Variants in EPPK1 observed in about 807,000 individuals in gnomAD.
EPPK1 encodes epiplakin 1, also known as epiplakin.
For missense variants in EPPK1, 3,823 were observed against 3,673.3 expected, an observed-to-expected ratio of 1.04 and a Z score of -1.05; for synonymous variants, 1,862 against 1,721.2, an observed-to-expected ratio of 1.08 and a Z score of -2.03.
Position 143,870,232 on chromosome 8 carries a change from T to C in EPPK1, c.3022A>G (p.Ile1008Val). ...YGRLKRAEGA[I>V]AGFRDPFSGK... Reference sequence around the variant, plus strand: ...GAGAAGGGGTCTCTGAAGCCAGCAATGGCACCCTCAGCCCGCTTCAGCCTG... The same window carrying C: ...GAGAAGGGGTCTCTGAAGCCAGCAACGGCACCCTCAGCCCGCTTCAGCCTG... Residue 1008 changes from isoleucine to valine, a missense_variant, in exon 2 of 2, where the codon ATT becomes GTT. Transcript: ENST00000615648. The surrounding 1 kb of genome is among the most constrained non-coding windows in gnomAD (Gnocchi z 5.2). 1 of 1,606,374 alleles carries C rather than the reference T, an allele frequency of 6.2e-7. No individual in the cohort carries two copies. Among genetic ancestry groups the C allele is most frequent in the South Asian group, 1.1e-5 (1 of 90,062 alleles).
chr8:143,869,328 A>C lies in EPPK1; in HGVS notation c.3926T>G (p.Val1309Gly), dbSNP rs1238840115. The change falls in exon 2 of 2, where the codon GTG (valine) becomes GGG (glycine). Residue 1309 changes from valine (V) to glycine (G), a missense_variant. Coordinates refer to ENST00000615648, the MANE Select transcript of EPPK1 (RefSeq NM_031308.4). ...SVEDAVKVGL[V>G]GRELSEQLGQ... ...GAGCTGCTCACTCAGCTCCCTGCCC[A>C]CCAGGCCGACCTTAACCGCGTCCTC... 1.9e-6 allele frequency: 3 copies of C among 1,606,964 alleles called. No individual in the cohort carries two copies. Among genetic ancestry groups the C allele is most frequent in the African/African-American group, 1.3e-5 (1 of 74,804 alleles).
At position 143,868,174 on chromosome 8, in the gene EPPK1, C is replaced by T. The variant is rs56005803; in HGVS notation, c.5080G>A (p.Val1694Met). The change falls in exon 2 of 2, where the codon GTG becomes ATG. Residue 1694 changes from valine to methionine, a missense_variant. By Grantham distance (21) the Val-to-Met change is conservative. Transcript: ENST00000615648. Reference sequence around the variant, plus strand: ...TCCACGGGCACGCGGTGGCTGTGCACGGGGTCGATGATGCCGCCCGTGGCG... The same window carrying T: ...TCCACGGGCACGCGGTGGCTGTGCATGGGGTCGATGATGCCGCCCGTGGCG... ...QIATGGIIDPVHSHRVPVDVA... is the reference protein window; with the variant it reads ...QIATGGIIDPMHSHRVPVDVA... 9.7e-5 allele frequency: 157 copies of T among 1,613,050 alleles called. 1 individual carries two copies. The highest frequency in any genetic ancestry group is 1.7e-4 in the Middle Eastern group (1 of 6,060).
Position 143,872,927 on chromosome 8 carries a change from C to G in EPPK1, c.327G>C (p.Lys109Asn). The change falls in exon 2 of 2, where the codon AAG (lysine) becomes AAC (asparagine). Residue 109 changes from lysine to asparagine, a missense_variant. Transcript: ENST00000615648. ...LQQGLVGLEL[K>N]EKLLAAERAT... ...CACGCTCAGCGGCCAGCAGCTTCTCCTTCAGCTCCAGCCCCACCAGACCCT... is the reference window on the plus strand; with the variant it reads ...CACGCTCAGCGGCCAGCAGCTTCTCGTTCAGCTCCAGCCCCACCAGACCCT... The G allele has an allele frequency of 6.2e-7, 1 of 1,609,026 alleles. No homozygotes were observed. The highest frequency in any genetic ancestry group is 8.5e-7 in the Non-Finnish European group (1 of 1,177,752).
At position 143,872,559 on chromosome 8, in the gene EPPK1, T is replaced by C. The variant is rs781908503; in HGVS notation, c.695A>G (p.Lys232Arg). Residue 232 changes from lysine (K) to arginine (R), a missense_variant, in exon 2 of 2, where the codon AAG becomes AGG. Transcript: ENST00000615648. ...CCCGCCCATGGAGCGGAAGGTGATC[T>C]TGAGGGGCAGCAAGGCTAGCCCCGA... ...PGSGLALLPL[K>R]ITFRSMGGAV... The C allele has an allele frequency of 1.9e-6, 3 of 1,606,704 alleles. No homozygotes were observed. Among genetic ancestry groups the C allele is most frequent in the East Asian group, 4.5e-5 (2 of 44,760 alleles).
chr8:143,871,109 G>C lies in EPPK1; in HGVS notation c.2145C>G (p.His715Gln). Reference protein sequence around the residue: ...AMQKGLIVREHGIRLLEAQIA... With the variant: ...AMQKGLIVREQGIRLLEAQIA... ...TCTGGGCCTCCAGCAGGCGGATGCC[G>C]TGCTCCCGGACGATGAGGCCCTTCT... The change falls in exon 2 of 2, where the codon CAC (histidine) becomes CAG (glutamine). Residue 715 changes from histidine (H) to glutamine (Q), a missense_variant. Transcript: ENST00000615648. 1 of 1,613,164 alleles carries C rather than the reference G, an allele frequency of 6.2e-7. No homozygotes were observed. Among genetic ancestry groups the C allele is most frequent in the Non-Finnish European group, 8.5e-7 (1 of 1,180,026 alleles).
chr8:143,878,623 G>A (rs1455422914), upstream of EPPK1, among the ~76,000 whole-genome samples: 5 of 151,800 alleles, frequency 3.3e-5, no homozygotes, highest in East Asian at 9.7e-4. Flanking sequence ...CCGGGCAAGG[G>A]GCGGCGGCTG....
chr8:143,869,851 C>T lies in EPPK1; in HGVS notation c.3403G>A (p.Val1135Met), dbSNP rs370164663. ...EEQVQRSLQAVPGAKDGTSLW... is the reference protein window; with the variant it reads ...EEQVQRSLQAMPGAKDGTSLW... ...GATGTGCCATCCTTGGCCCCCGGCA[C>T]GGCCTGCAGGCTCCTCTGGACCTGC... Residue 1135 changes from valine to methionine, a missense_variant, in exon 2 of 2, where the codon GTG becomes ATG. Physicochemically the swap from Val to Met is conservative, Grantham distance 21 (BLOSUM62 1). Transcript: ENST00000615648. The T allele has an allele frequency of 1.2e-5, 19 of 1,599,590 alleles. No homozygotes were observed. The highest frequency in any genetic ancestry group is 4.0e-5 in the African/African-American group (3 of 74,714).
chr8:143,866,571 C>T lies in EPPK1; in HGVS notation c.6683G>A (p.Gly2228Asp), dbSNP rs1172768887. Residue 2228 changes from glycine (G) to aspartate (D), a missense_variant, in exon 2 of 2, where the codon GGC becomes GAC. By Grantham distance (94) the Gly-to-Asp change is moderately conservative. Coordinates refer to ENST00000615648, the MANE Select transcript of EPPK1 (RefSeq NM_031308.4). ...CTGGTCCTTGGCGGGCACCAGGACG[C>T]CCGCGATGCAGCTGGTGCCCTCCAG... ...RYLEGTSCIA[G>D]VLVPAKDQPG... 16 of 1,609,994 alleles carry T rather than the reference C, an allele frequency of 9.9e-6. No homozygotes were observed. Among genetic ancestry groups the T allele is most frequent in the African/African-American group, 2.7e-5 (2 of 74,758 alleles).
chr8:143,872,001 G>A lies in EPPK1; in HGVS notation c.1253C>T (p.Ala418Val). ...TTCATCCAGGCAGCCGCAGCGCAGG[G>A]CGGCCTCCAGGGGCAGCCGGAGCCT... ...ARRLRLPLEAALRCGCLDEDT... is the reference protein window; with the variant it reads ...ARRLRLPLEAVLRCGCLDEDT... The change falls in exon 2 of 2, where the codon GCC becomes GTC. Residue 418 changes from alanine (A) to valine (V), a missense_variant. By Grantham distance (64) the Ala-to-Val change is moderately conservative. Transcript: ENST00000615648. 6 of 1,578,562 alleles carry A rather than the reference G, an allele frequency of 3.8e-6. No individual in the cohort carries two copies. The highest frequency in any genetic ancestry group is 5.1e-6 in the Non-Finnish European group (6 of 1,166,022).
At position 143,871,624 on chromosome 8, in the gene EPPK1, T is replaced by C. The variant is rs13255110; in HGVS notation, c.1630A>G (p.Lys544Glu). 0.67 allele frequency: 1,069,468 copies of C among 1,603,762 alleles called. 360,810 individuals are homozygous for C. The highest frequency in any genetic ancestry group is 0.71 in the Middle Eastern group (4,303 of 6,054). ...GTLSVEKLAA[K>E]LSATLEQAAA... ...GCCTGCTCGAGGGTGGCGCTCAGCT[T>C]AGCGGCCAGCTTCTCCACGGAGAGG... The change falls in exon 2 of 2, where the codon AAG becomes GAG. Residue 544 changes from lysine (K) to glutamate (E), a missense_variant. Coordinates refer to ENST00000615648, the MANE Select transcript of EPPK1 (RefSeq NM_031308.4).
rs375680720 is a variant in EPPK1, at chr8:143,870,976, G to C, written c.2278C>G (p.Pro760Ala). 45 of 1,613,476 alleles carry C rather than the reference G, an allele frequency of 2.8e-5. No individual in the cohort carries two copies. Among genetic ancestry groups the C allele is most frequent in the East Asian group, 1.6e-4 (7 of 44,886 alleles). ...DQMLNLILLD[P>A]SDDTKGFFDP... ...AAGAAGCCCTTGGTGTCGTCAGAAG[G>C]GTCCAACAGGATCAAGTTCAGCATC... The change falls in exon 2 of 2, where the codon CCT (proline) becomes GCT (alanine). Residue 760 changes from proline to alanine, a missense_variant. Physicochemically the swap from Pro to Ala is conservative, Grantham distance 27. Transcript: ENST00000615648. The surrounding 1 kb of genome is among the most constrained non-coding windows in gnomAD (Gnocchi z 5.2).
At position 143,868,197 on chromosome 8, in the gene EPPK1, G is replaced by T; in HGVS notation, c.5057C>A (p.Ala1686Asp). ...CACGGGGTCGATGATGCCGCCCGTG[G>T]CGATCTGGGCCTCCAGCAGGCGGAT... ...HGIRLLEAQI[A>D]TGGIIDPVHS... Residue 1686 changes from alanine to aspartate, a missense_variant, in exon 2 of 2, where the codon GCC becomes GAC. Transcript: ENST00000615648. The T allele has an allele frequency of 6.2e-7, 1 of 1,613,104 alleles. No individual in the cohort carries two copies. Among genetic ancestry groups the T allele is most frequent in the Non-Finnish European group, 8.5e-7 (1 of 1,180,006 alleles).
chr8:143,869,721 G>A lies in EPPK1; in HGVS notation c.3533C>T (p.Ser1178Phe). 1 of 1,598,830 alleles carries A rather than the reference G, an allele frequency of 6.3e-7. No individual in the cohort carries two copies. The highest frequency in any genetic ancestry group is 8.5e-7 in the Non-Finnish European group (1 of 1,173,696). ...GRTTVPQLLA[S>F]VQRWVQETKL... ...GGTCTCCTGTACCCACCTCTGCACA[G>A]AGGCTAGCAGCTGTGGCACAGTGGT... The change falls in exon 2 of 2, where the codon TCT becomes TTT. Residue 1178 changes from serine (S) to phenylalanine (F), a missense_variant. By Grantham distance (155) the Ser-to-Phe change is radical. Coordinates refer to ENST00000615648, the MANE Select transcript of EPPK1 (RefSeq NM_031308.4).
intron 1 of EPPK1, among the ~76,000 whole-genome samples, chr8:143,877,075 C>A (rs571606119): frequency 1.3e-5 from 2 of 152,272 alleles, no homozygotes; most frequent in African/African-American, 2.4e-5. Flanking sequence ...AGCAGGGAGT[C>A]GGGGGCAGGC....
rs1554660150 is a variant in EPPK1 at position 143,868,920 on chromosome 8, T to C, written c.4334A>G (p.His1445Arg). The change falls in exon 2 of 2, where the codon CAC (histidine) becomes CGC (arginine). Residue 1445 changes from histidine to arginine, a missense_variant. Coordinates refer to ENST00000615648, the MANE Select transcript of EPPK1 (RefSeq NM_031308.4). The part of the protein sequence containing the change: ...PSDTVLEVDD[H>R]TAVALRAMKV... ...CATGGCCCTCAGAGCCACCGCGGTG[T>C]GGTCGTCCACCTCAAGCACTGTGTC... 2 of 1,611,074 alleles carry C rather than the reference T, an allele frequency of 1.2e-6. No individual in the cohort carries two copies. The highest frequency in any genetic ancestry group is 3.3e-5 in the Admixed American group (2 of 60,010).
rs782289184 is a variant in EPPK1 at position 143,872,488 on chromosome 8, G to A, written c.766C>T (p.Gln256Ter). The A allele has an allele frequency of 3.8e-6, 6 of 1,593,092 alleles. No homozygotes were observed. In the East Asian group the frequency reaches 1.4e-4, roughly 36 times the overall value. Residue 256 changes from glutamine to a stop codon, truncating the protein, a stop_gained, in exon 2 of 2, where the codon CAG (glutamine) becomes TAG (stop). Transcript: ENST00000615648. LOFTEE classifies it low-confidence loss of function (END_TRUNC). ...CCCTCCCGCAGACCCTGCACAGCCT[G>A]CTCGTCCAGGATGCCCACCTCCAGC... ...ELLEVGILDE[Q>*]AVQGLREGRL...
At position 143,863,123 on chromosome 8, in the gene EPPK1, G is replaced by GGTCGCCGTATCA; in HGVS notation, c.10130_10131insTGATACGGCGAC (p.Tyr3377_Thr3378insAspThrAlaThr). ...TCTGCTGCCCGGTGTAGGGGTCGGTGTAGCCGGTGACGGCGCGCTCGGCCG... is the reference window on the plus strand; with the variant it reads ...TCTGCTGCCCGGTGTAGGGGTCGGTGGTCGCCGTATCATAGCCGGTGACGGCGCGCTCGGCCG... On this transcript the variant is annotated inframe_insertion, in exon 2 of 2. Coordinates refer to ENST00000615648, the MANE Select transcript of EPPK1 (RefSeq NM_031308.4). 9.7e-6 allele frequency: 1 copy of GGTCGCCGTATCA among 102,738 alleles called. No individual in the cohort carries two copies. The highest frequency in any genetic ancestry group is 1.8e-5 in the Non-Finnish European group (1 of 55,270). 6.4% of individuals were successfully genotyped at this position (102,738 alleles called of 1,614,324 possible). A position where few individuals can be genotyped will look rare whatever the true frequency, so the allele number is the denominator to read the frequency against.
In EPPK1 at chr8:143,867,263, G is replaced by A. The variant is rs782373505; in HGVS notation, c.5991C>T (p.Leu1997=). ...IPLFQAMQKQ[L]IEKAEALRLL... The stretch of plus-strand genomic sequence containing the variant: ...GCCTCAGTGCCTCCGCCTTCTCGAT[G>A]AGCTGCTTCTGCATGGCCTGGAACA... Residue 1997 remains leucine (L), a synonymous_variant, in exon 2 of 2, where the codon CTC becomes CTT. Coordinates refer to ENST00000615648, the MANE Select transcript of EPPK1 (RefSeq NM_031308.4). 4.3e-6 allele frequency: 7 copies of A among 1,612,506 alleles called. No individual in the cohort carries two copies. The South Asian group carries it at 7.7e-5, about 18-fold the overall frequency.
At chr8:143,874,204 G>A (rs782722157) in intron 1 of EPPK1, among the ~76,000 whole-genome samples, 2 of 152,168 alleles carry the variant, frequency 1.3e-5, no homozygotes, top group Non-Finnish European at 2.9e-5. Flanking sequence ...TGTACGACTG[G>A]CCCTGAGCAG....
Sources: allele counts gnomAD v4.1 joint callset (sites outside exome capture counted in the v4.1 genomes callset), GRCh38; gene constraint gnomAD v4.1.1; non-coding constraint Gnocchi (gnomAD v3.1); transcripts MANE v1.5; gene names NCBI Gene and HGNC (gene_info 2026-07-23, HGNC 2026-07-21).